Variants in OR56A1 observed in about 807,000 individuals in gnomAD.
OR56A1 encodes the protein olfactory receptor 56A1.
For missense variants in OR56A1, 360 were observed against 380.9 expected (o/e 0.94, Z 0.46); for synonymous variants, 174 against 159.1 (o/e 1.09, Z -0.70).
Position 6,025,600 on chromosome 11 carries a change from C to T in OR56A1, c.*1148G>A, listed in dbSNP as rs945325120. The T allele has an allele frequency of 6.6e-6, 1 of 152,216 alleles. No homozygotes were observed. Among genetic ancestry groups the T allele is most frequent in the Non-Finnish European group, 1.5e-5 (1 of 68,046 alleles). 9.4% of individuals were successfully genotyped at this position (152,216 alleles called of 1,614,324 possible). On this transcript the variant is annotated 3_prime_UTR_variant, in exon 2 of 2. Coordinates refer to ENST00000641900, the MANE Select transcript of OR56A1 (RefSeq NM_001388488.1). ...CACCATCAAGGTAGTGTCCCATCCT[C>T]AAAGGTTTTAGTCCCAGCTCTGAGG...
Position 6,025,290 on chromosome 11 carries a change from C to CCAA in OR56A1, c.*1457_*1458insTTG, listed in dbSNP as rs1848436335. On this transcript the variant is annotated 3_prime_UTR_variant, in exon 2 of 2. Coordinates refer to ENST00000641900, the MANE Select transcript of OR56A1 (RefSeq NM_001388488.1). ...ACTTATCTCTCAGTCCCAAGCCTGC[C>CCAA]GTCCATACTGTACTCTGTCATGCTG... 8.5e-5 allele frequency: 13 copies of CCAA among 152,290 alleles called. No homozygotes were observed. The South Asian group carries it at 2.7e-3, about 32-fold the overall frequency. 9.4% of individuals were successfully genotyped at this position (152,290 alleles called of 1,614,324 possible).
chr11:6,023,676 T>C lies in OR56A1; in HGVS notation c.*3072A>G, dbSNP rs1405361827. The stretch of plus-strand genomic sequence containing the variant: ...CCTCTTCCAATGCAGTTGGAACATA[T>C]TCAGGTTGTATCAGCAAAGCAAATC... On this transcript the variant is annotated 3_prime_UTR_variant, in exon 2 of 2. Transcript: ENST00000641900. 1 of 152,196 alleles carries C rather than the reference T, an allele frequency of 6.6e-6. No homozygotes were observed. The highest frequency in any genetic ancestry group is 2.4e-5 in the African/African-American group (1 of 41,458). The allele number at this position is 152,196 out of a possible 1,614,324, so 9.4% of individuals were successfully genotyped here. A position where few individuals can be genotyped will look rare whatever the true frequency, so the allele number is the denominator to read the frequency against.
At chr11:6,029,888 C>T (rs536027310) in intron 1 of OR56A1, among the ~76,000 whole-genome samples, 1 of 152,256 alleles carries the variant, frequency 6.6e-6, no homozygotes, top group Admixed American at 6.5e-5. Context: ...ACTTAGACCT[C>T]TCCAGAAGCC....
chr11:6,033,537 T>C (rs1159468906), upstream of OR56A1, among the ~76,000 whole-genome samples: 4 of 151,484 alleles, frequency 2.6e-5, no homozygotes, highest in African/African-American at 4.8e-5. Context: ...TTAGTACATC[T>C]GGAGTGGACT....
In OR56A1 at chr11:6,028,751, G is replaced by C. The variant is rs540397597; in HGVS notation, c.-34-1025C>G. The stretch of plus-strand genomic sequence containing the variant: ...GAAATTCCTGAAAGAGATAAAAATA[G>C]AACTACCCTTACATCCAAAAGTCCT... On this transcript the variant is annotated intron_variant, in intron 1 of 1. Transcript: ENST00000641900. Among the ~76,000 whole-genome samples, 88 of 152,158 alleles carry C rather than the reference G, an allele frequency of 5.8e-4. 3 individuals are homozygous for C. The South Asian group carries it at 0.014, about 24-fold the overall frequency.
Position 6,026,460 on chromosome 11 carries a change from C to G in OR56A1, c.*288G>C, listed in dbSNP as rs982194456. 3.2e-6 allele frequency: 1 copy of G among 315,724 alleles called. No individual in the cohort carries two copies. Among genetic ancestry groups the G allele is most frequent in the African/African-American group, 2.1e-5 (1 of 47,032 alleles). 19.6% of individuals were successfully genotyped at this position (315,724 alleles called of 1,614,324 possible). On this transcript the variant is annotated 3_prime_UTR_variant, in exon 2 of 2. Transcript: ENST00000641900. The stretch of plus-strand genomic sequence containing the variant: ...TCCCTTCCTAAAAGCATCTCTTTTT[C>G]TACTATGTGAAATGAAAGTAACAAT...
In OR56A1 at chr11:6,021,103, A is replaced by T. The variant is rs1848391407; in HGVS notation, c.*5645T>A. Reference sequence around the variant, plus strand: ...GGAGAAAGGGAGAAGACAATATAGAAAAGAAAAGTAATGGAAATTATGCCT... The same window carrying T: ...GGAGAAAGGGAGAAGACAATATAGATAAGAAAAGTAATGGAAATTATGCCT... On this transcript the variant is annotated 3_prime_UTR_variant, in exon 2 of 2. Coordinates refer to ENST00000641900, the MANE Select transcript of OR56A1 (RefSeq NM_001388488.1). The T allele has an allele frequency of 1.3e-5, 2 of 152,092 alleles. No individual in the cohort carries two copies. Among genetic ancestry groups the T allele is most frequent in the South Asian group, 4.1e-4 (2 of 4,836 alleles). 9.4% of individuals were successfully genotyped at this position (152,092 alleles called of 1,614,324 possible). A position where few individuals can be genotyped will look rare whatever the true frequency, so the allele number is the denominator to read the frequency against.
Position 6,026,404 on chromosome 11 carries a change from T to C in OR56A1, c.*344A>G, listed in dbSNP as rs942884349. ...AGAAAGAGCCTAGGTTTTATTGTTT[T>C]TGCTTCCCACATATGTGATCTTTGG... On this transcript the variant is annotated 3_prime_UTR_variant, in exon 2 of 2. Transcript: ENST00000641900. 4.9e-6 allele frequency: 1 copy of C among 202,930 alleles called. No homozygotes were observed. The highest frequency in any genetic ancestry group is 2.3e-5 in the African/African-American group (1 of 43,220). 12.6% of individuals were successfully genotyped at this position (202,930 alleles called of 1,614,324 possible).
chr11:6,026,816 T>G lies in OR56A1; in HGVS notation c.877A>C (p.Ile293Leu), dbSNP rs1564816167. ...TCTTTGGTCCGAACCCCATACACAATAGGGTTCAATGCAGGAGGAATAAGG... is the reference window on the plus strand; with the variant it reads ...TCTTTGGTCCGAACCCCATACACAAGAGGGTTCAATGCAGGAGGAATAAGG... ...HHLIPPALNP[I>L]VYGVRTKEIK... Residue 293 changes from isoleucine (I) to leucine (L), a missense_variant, in exon 2 of 2, where the codon ATT becomes CTT. Transcript: ENST00000641900. 1 of 1,614,000 alleles carries G rather than the reference T, an allele frequency of 6.2e-7. No individual in the cohort carries two copies. Among genetic ancestry groups the G allele is most frequent in the Admixed American group, 1.7e-5 (1 of 60,024 alleles).
rs1019358495 is a variant in OR56A1, at chr11:6,022,850, G to T, written c.*3898C>A. The T allele has an allele frequency of 6.6e-6, 1 of 152,138 alleles. No homozygotes were observed. Among genetic ancestry groups the T allele is most frequent in the African/African-American group, 2.4e-5 (1 of 41,428 alleles). 9.4% of individuals were successfully genotyped at this position (152,138 alleles called of 1,614,324 possible). ...TTGGTTGAATAGGTGCAGAAATGTTGTTATTATATACAGTACTCAGCCAAA... is the reference window on the plus strand; with the variant it reads ...TTGGTTGAATAGGTGCAGAAATGTTTTTATTATATACAGTACTCAGCCAAA... On this transcript the variant is annotated 3_prime_UTR_variant, in exon 2 of 2. Transcript: ENST00000641900.
rs1848464916 is a variant in OR56A1 at position 6,027,437 on chromosome 11, C to T, written c.256G>A (p.Ala86Thr). 1.2e-6 allele frequency: 2 copies of T among 1,614,130 alleles called. No homozygotes were observed. Among genetic ancestry groups the T allele is most frequent in the Non-Finnish European group, 1.7e-6 (2 of 1,180,002 alleles). Residue 86 changes from alanine to threonine, a missense_variant, in exon 2 of 2, where the codon GCC (alanine) becomes ACC (threonine). By Grantham distance (58) the Ala-to-Thr change is moderately conservative. Transcript: ENST00000641900. Reference protein sequence around the residue: ...LCLTVIPKVLAIFWYDLRSIS... With the variant: ...LCLTVIPKVLTIFWYDLRSIS... ...GACCTAAGATCATACCAGAAGATGG[C>T]CAGGACCTTGGGGATGACGGTGAGG...
chr11:6,027,109 A>T lies in OR56A1; in HGVS notation c.584T>A (p.Phe195Tyr), dbSNP rs756051290. 2.2e-5 allele frequency: 35 copies of T among 1,614,098 alleles called. No homozygotes were observed. Among genetic ancestry groups the T allele is most frequent in the Non-Finnish European group, 2.6e-5 (31 of 1,180,020 alleles). Reference protein sequence around the residue: ...LSVSRLSCDNFTLNRIYQFVA... With the variant: ...LSVSRLSCDNYTLNRIYQFVA... ...AAATTGGTAGATTCTGTTAAGGGTG[A>T]AATTATCACAGGAGAGCCTGGACAC... The change falls in exon 2 of 2, where the codon TTC (phenylalanine) becomes TAC (tyrosine). Residue 195 changes from phenylalanine (F) to tyrosine (Y), a missense_variant. Physicochemically the swap from Phe to Tyr is conservative, Grantham distance 22. Coordinates refer to ENST00000641900, the MANE Select transcript of OR56A1 (RefSeq NM_001388488.1).
intron 1 of OR56A1, among the ~76,000 whole-genome samples, chr11:6,028,300 T>G (rs1372291161): frequency 7.1e-6 from 1 of 140,732 alleles, no homozygotes; most frequent in African/African-American, 2.6e-5. Flanking sequence ...GGAATAAAAC[T>G]GAAAAAAAAA....
Position 6,025,515 on chromosome 11 carries a change from T to C in OR56A1, c.*1233A>G, listed in dbSNP as rs1441452652. On this transcript the variant is annotated 3_prime_UTR_variant, in exon 2 of 2. Transcript: ENST00000641900. Reference sequence around the variant, plus strand: ...TCTAGTCTCCAGATTGGTTGGTTGGTTGATTGGTTTTGGTTTTTGTTTAAC... The same window carrying C: ...TCTAGTCTCCAGATTGGTTGGTTGGCTGATTGGTTTTGGTTTTTGTTTAAC... 6.6e-6 allele frequency: 1 copy of C among 152,294 alleles called. No homozygotes were observed. The highest frequency in any genetic ancestry group is 1.5e-5 in the Non-Finnish European group (1 of 68,092). 9.4% of individuals were successfully genotyped at this position (152,294 alleles called of 1,614,324 possible).
In OR56A1 at chr11:6,026,981, C is replaced by T. The variant is rs762577359; in HGVS notation, c.712G>A (p.Val238Met). 6.8e-6 allele frequency: 11 copies of T among 1,614,062 alleles called. No individual in the cohort carries two copies. The Admixed American group carries it at 1.0e-4, about 15-fold the overall frequency. ...GAGCCACATGTGCTCAGGGCCTTCA[C>T]TGCCGCCCCCTCTGCTTTGAATCTA... ...VLRFKAEGAA[V>M]KALSTCGSHF... The change falls in exon 2 of 2, where the codon GTG becomes ATG. Residue 238 changes from valine to methionine, a missense_variant. Physicochemically the swap from Val to Met is conservative, Grantham distance 21 (BLOSUM62 1). Transcript: ENST00000641900.
At position 6,020,015 on chromosome 11, in the gene OR56A1, A is replaced by G. The variant is rs1385194170; in HGVS notation, c.*6733T>C. 1.3e-5 allele frequency: 2 copies of G among 152,082 alleles called. No individual in the cohort carries two copies. Among genetic ancestry groups the G allele is most frequent in the African/African-American group, 4.8e-5 (2 of 41,434 alleles). The allele number at this position is 152,082 out of a possible 1,614,324, so 9.4% of individuals were successfully genotyped here. ...AATTCTATTATAAGCATCCTGGTAAATGTAAGAGCTCTAGTGACTTTTTCA... is the reference window on the plus strand; with the variant it reads ...AATTCTATTATAAGCATCCTGGTAAGTGTAAGAGCTCTAGTGACTTTTTCA... On this transcript the variant is annotated 3_prime_UTR_variant, in exon 2 of 2. Transcript: ENST00000641900.
Position 6,024,164 on chromosome 11 carries a change from A to G in OR56A1, c.*2584T>C, listed in dbSNP as rs1409772143. 9 of 152,222 alleles carry G rather than the reference A, an allele frequency of 5.9e-5. No homozygotes were observed. The highest frequency in any genetic ancestry group is 5.9e-5 in the Non-Finnish European group (4 of 68,042). The allele number at this position is 152,222 out of a possible 1,614,324, so 9.4% of individuals were successfully genotyped here. ...TTCAACTCTTCTTTTAGCCAATTCA[A>G]TATCATAAGTAAGGAAATGTTTACT... On this transcript the variant is annotated 3_prime_UTR_variant, in exon 2 of 2. Coordinates refer to ENST00000641900, the MANE Select transcript of OR56A1 (RefSeq NM_001388488.1).
intron 1 of OR56A1, among the ~76,000 whole-genome samples, chr11:6,029,681 G>A (rs1223145821): frequency 6.6e-6 from 1 of 151,950 alleles, no homozygotes; most frequent in Non-Finnish European, 1.5e-5. Context: ...TGTACCTCCT[G>A]GTCACTCCCT....
In OR56A1 at chr11:6,024,682, G is replaced by A. The variant is rs1848429740; in HGVS notation, c.*2066C>T. Reference sequence around the variant, plus strand: ...TATATTGCAAGTGCTCAAAACACATGAACTTGGATTTTCATTATAAGTATT... The same window carrying A: ...TATATTGCAAGTGCTCAAAACACATAAACTTGGATTTTCATTATAAGTATT... On this transcript the variant is annotated 3_prime_UTR_variant, in exon 2 of 2. Coordinates refer to ENST00000641900, the MANE Select transcript of OR56A1 (RefSeq NM_001388488.1). 6.6e-6 allele frequency: 1 copy of A among 152,128 alleles called. No homozygotes were observed. The highest frequency in any genetic ancestry group is 2.4e-5 in the African/African-American group (1 of 41,426). The allele number at this position is 152,128 out of a possible 1,614,324, so 9.4% of individuals were successfully genotyped here.
Sources: allele counts gnomAD v4.1 joint callset (sites outside exome capture counted in the v4.1 genomes callset), GRCh38; gene constraint gnomAD v4.1.1; transcripts MANE v1.5; gene names NCBI Gene and HGNC (gene_info 2026-07-23, HGNC 2026-07-21).